The following SEC23IP variants were observed in gnomAD, a reference collection of about 807,000 sequenced individuals.
SEC23IP encodes the protein SEC23 interacting protein.
A neutral mutation model predicts 113.4 loss-of-function variants in SEC23IP; 70 were observed. The ratio of observed to expected loss-of-function variants is 0.62; its 90% CI spans 0.51 to 0.75. The LOEUF is 0.75. SEC23IP is among the 30% of genes least tolerant of loss of function. The probability of loss-of-function intolerance (pLI) is 0.00; values close to 1 mark genes in which losing one functional copy is unlikely to be tolerated. For synonymous variants in SEC23IP, 398 were observed against 421.0 expected, an observed-to-expected ratio of 0.95 and a Z score of 0.67; for missense variants, 1,160 against 1,204.9, an observed-to-expected ratio of 0.96 and a Z score of 0.55.
chr10:119,914,782 T>C lies in SEC23IP; in HGVS notation c.1365T>C (p.Pro455=), dbSNP rs775265385. The change falls in exon 7 of 19, where the codon CCT becomes CCC. Residue 455 remains proline (P), a synonymous_variant. Coordinates refer to ENST00000369075, the MANE Select transcript of SEC23IP (RefSeq NM_007190.4). The part of the protein sequence containing the change: ...HLVFVVHGIG[P]VCDLRFRSII... ...TGTTTGTGGTGCATGGCATTGGACC[T>C]GTGTGTGACTTACGCTTTAGGAGCA... 1.9e-6 allele frequency: 3 copies of C among 1,614,168 alleles called. No homozygotes were observed. In the South Asian group the frequency reaches 3.3e-5, roughly 18 times the overall value.
Position 119,942,422 on chromosome 10 carries a change from T to C in SEC23IP, c.*1857T>C, listed in dbSNP as rs1006692218. 8 of 151,986 alleles carry C rather than the reference T, an allele frequency of 5.3e-5. No homozygotes were observed. The highest frequency in any genetic ancestry group is 1.9e-4 in the African/African-American group (8 of 41,368). The allele number at this position is 151,986 out of a possible 1,614,324, so 9.4% of individuals were successfully genotyped here. On this transcript the variant is annotated 3_prime_UTR_variant, in exon 19 of 19. Transcript: ENST00000369075. The stretch of plus-strand genomic sequence containing the variant: ...CAAAAAACAGTAGATCCCCTGAGGG[T>C]AGAGTCTTTATGTATGAACATATTG...
At position 119,917,302 on chromosome 10, in the gene SEC23IP, C is replaced by T. The variant is rs577304780; in HGVS notation, c.1545-534C>T. On this transcript the variant is annotated intron_variant, in intron 8 of 18. Coordinates refer to ENST00000369075, the MANE Select transcript of SEC23IP (RefSeq NM_007190.4). ...GCAACCTCCACCTCCTGGGTTCAAG[C>T]GATTCTCATGCCTCAACCTCCCAAA... Among the ~76,000 whole-genome samples, 30 of 152,048 alleles carry T rather than the reference C, an allele frequency of 2.0e-4. No homozygotes were observed. The South Asian group carries it at 5.6e-3, about 28-fold the overall frequency.
At chr10:119,932,884 G>A in intron 16 of SEC23IP, 121 bp from the exon 17 acceptor site, 1 of 787,442 alleles carries the variant, frequency 1.3e-6, no homozygotes, top group Non-Finnish European at 2.0e-6. Flanking sequence ...GAGTGAGCCT[G>A]GTAGCTCCTC....
At chr10:119,895,069 G>A (rs942491258) in intron 1 of SEC23IP, among the ~76,000 whole-genome samples, 2 of 152,146 alleles carry the variant, frequency 1.3e-5, no homozygotes, top group Non-Finnish European at 2.9e-5. Flanking sequence ...GAGAGACACA[G>A]GAAGCAATTT....
At position 119,915,617 on chromosome 10, in the gene SEC23IP, ATCC is replaced by A. The variant is rs1159866523; in HGVS notation, c.1403-128_1403-126del. Reference sequence around the variant, plus strand: ...TTTAAAAAATTTTACTAATTCTCTTATCCTCATTTTTTTCTTTAAAAAATGTAT... The same window carrying A: ...TTTAAAAAATTTTACTAATTCTCTTATCATTTTTTTCTTTAAAAAATGTAT... On this transcript the variant is annotated intron_variant, in intron 7 of 18. Transcript: ENST00000369075. 23 of 674,832 alleles carry A rather than the reference ATCC, an allele frequency of 3.4e-5. No individual in the cohort carries two copies. The Middle Eastern group carries it at 2.6e-3, about 76-fold the overall frequency. 41.8% of individuals were successfully genotyped at this position (674,832 alleles called of 1,614,324 possible).
At chr10:119,938,159 G>A (rs1246325679) in intron 18 of SEC23IP, among the ~76,000 whole-genome samples, 3 of 151,230 alleles carry the variant, frequency 2.0e-5, no homozygotes, top group Non-Finnish European at 2.9e-5. Context: ...TAAGTCAGCT[G>A]TTGCCTTAAC....
Position 119,933,132 on chromosome 10 carries a change from A to T in SEC23IP, c.2886A>T (p.Glu962Asp). 1 of 1,614,046 alleles carries T rather than the reference A, an allele frequency of 6.2e-7. No homozygotes were observed. Among genetic ancestry groups the T allele is most frequent in the Non-Finnish European group, 8.5e-7 (1 of 1,179,954 alleles). Residue 962 changes from glutamate to aspartate, a missense_variant, in exon 17 of 19, where the codon GAA (glutamate) becomes GAT (aspartate). Transcript: ENST00000369075. ...AAAAACCAATAGAGAGTTTTAATGA[A>T]TACCTTTTCGCTCTTCAGAGTCACT... is the stretch of plus-strand genomic sequence containing the variant. ...LQEKPIESFN[E>D]YLFALQSHLC...
rs1300053825 is a variant in SEC23IP, at chr10:119,931,247, T to C, written c.2572+816T>C. ...GTGAGCCAAGATCGTGCTACTGCACTCCAGTCTCCGAGAGACTCCGTCTCA... is the reference window on the plus strand; with the variant it reads ...GTGAGCCAAGATCGTGCTACTGCACCCCAGTCTCCGAGAGACTCCGTCTCA... On this transcript the variant is annotated intron_variant, in intron 15 of 18. Coordinates refer to ENST00000369075, the MANE Select transcript of SEC23IP (RefSeq NM_007190.4). Among the ~76,000 whole-genome samples the C allele has an allele frequency of 2.2e-5, 3 of 134,950 alleles. No individual in the cohort carries two copies. The South Asian group carries it at 7.3e-4, about 33-fold the overall frequency. The allele number at this position is 134,950 out of a possible 152,430, so 88.5% of individuals were successfully genotyped here. A position where few individuals can be genotyped will look rare whatever the true frequency, so the allele number is the denominator to read the frequency against.
intron 17 of SEC23IP, 21 bp from the exon 18 acceptor site, chr10:119,933,665 A>G (rs1564926135): frequency 1.5e-6 from 2 of 1,327,654 alleles, no homozygotes; most frequent in Non-Finnish European, 1.1e-6. Flanking sequence ...TCTTAAGTAA[A>G]TATGCTTTTC....
intron 14 of SEC23IP, 108 bp downstream of exon 14, chr10:119,929,870 A>C: frequency 1.4e-6 from 1 of 694,886 alleles, no homozygotes; most frequent in South Asian, 2.1e-5. Flanking sequence ...ACTGGTCTCA[A>C]ACTCCTGGCC....
chr10:119,918,434 T>C lies in SEC23IP; in HGVS notation c.1795T>C (p.Leu599=), dbSNP rs1343667764. 17 of 1,613,136 alleles carry C rather than the reference T, an allele frequency of 1.1e-5. No homozygotes were observed. Among genetic ancestry groups the C allele is most frequent in the Admixed American group, 1.7e-5 (1 of 59,978 alleles). ...TGACATCCTGTCTAATCAAAAAGATTTGAATTTATCAAAGTGCCCTGGACC... is the reference window on the plus strand; with the variant it reads ...TGACATCCTGTCTAATCAAAAAGATCTGAATTTATCAAAGTGCCCTGGACC... ...LFDILSNQKD[L]NLSKCPGPLA... is the part of the protein sequence containing the mutation. The change falls in exon 10 of 19, where the codon TTG becomes CTG. Residue 599 remains leucine (L), a synonymous_variant. Coordinates refer to ENST00000369075, the MANE Select transcript of SEC23IP (RefSeq NM_007190.4).
Position 119,915,726 on chromosome 10 carries a change from C to T in SEC23IP, c.1403-22C>T, listed in dbSNP as rs988830152. On this transcript the variant is annotated intron_variant, in intron 7 of 18. Coordinates refer to ENST00000369075, the MANE Select transcript of SEC23IP (RefSeq NM_007190.4). ...GCTAGGAGAATTTAATTTATTTTCT[C>T]TTTTTTTTTTTTCTTTTGAAGTGGA... 4.0e-5 allele frequency: 46 copies of T among 1,156,340 alleles called. No homozygotes were observed. The African/African-American group carries it at 4.7e-4, about 12-fold the overall frequency. 71.6% of individuals were successfully genotyped at this position (1,156,340 alleles called of 1,614,324 possible). A position where few individuals can be genotyped will look rare whatever the true frequency, so the allele number is the denominator to read the frequency against.
At chr10:119,919,658 A>G in intron 11 of SEC23IP, 62 bp downstream of exon 11, 1 of 1,343,514 alleles carries the variant, frequency 7.4e-7, no homozygotes, top group South Asian at 1.6e-5. Context: ...ATTGAAAATT[A>G]AGAATAAACA....
At chr10:119,894,754 G>T (rs1446362397) in intron 1 of SEC23IP, among the ~76,000 whole-genome samples, 1 of 152,156 alleles carries the variant, frequency 6.6e-6, no homozygotes, top group East Asian at 1.9e-4. Flanking sequence ...CACCATTAAA[G>T]TTGTTTGGTT....
chr10:119,904,540 A>G (rs1854602025), intron 4 of SEC23IP: 1 of 359,036 alleles, frequency 2.8e-6, no homozygotes, highest in Non-Finnish European at 5.1e-6. Flanking sequence ...AATAGAACCT[A>G]GGCCGCTGGG....
Position 119,926,084 on chromosome 10 carries a change from G to C in SEC23IP, c.2170G>C (p.Gly724Arg). ...KKAVAATSTK[G>R]QEQSAQKTKD... is the part of the protein sequence containing the mutation. ...GGCAGTGGCGGCCACTTCTACAAAA[G>C]GACAAGAGCAAAGTGCCCAGAAGAC... is the stretch of plus-strand genomic sequence containing the variant. Residue 724 changes from glycine (G) to arginine (R), a missense_variant, in exon 13 of 19, where the codon GGA becomes CGA. By Grantham distance (125) the Gly-to-Arg change is moderately radical (BLOSUM62 -2). Transcript: ENST00000369075. 6.2e-7 allele frequency: 1 copy of C among 1,614,002 alleles called. No homozygotes were observed. The highest frequency in any genetic ancestry group is 8.5e-7 in the Non-Finnish European group (1 of 1,179,972).
At chr10:119,929,905 T>TC (rs1855539682) in intron 14 of SEC23IP, 143 bp downstream of exon 14, 2 of 582,234 alleles carry the variant, frequency 3.4e-6, no homozygotes, top group Non-Finnish European at 5.9e-6. Context: ...CATCACAGCC[T>TC]CCCAAATCGC....
intron 18 of SEC23IP, among the ~76,000 whole-genome samples, chr10:119,939,518 T>C (rs1451638379): frequency 6.7e-6 from 1 of 149,528 alleles, no homozygotes; most frequent in Non-Finnish European, 1.5e-5. Flanking sequence ...CTACTAAAAA[T>C]ACAAAAATTA....
intron 13 of SEC23IP, 77 bp from the exon 14 acceptor site, chr10:119,929,530 G>GAT (rs1855525594): frequency 7.6e-7 from 1 of 1,310,078 alleles, no homozygotes; most frequent in African/African-American, 1.5e-5. Context: ...CACCACGCCC[G>GAT]GCCTGAAAAT....
Sources: gnomAD v4.1 joint callset for allele counts (sites outside exome capture counted in the v4.1 genomes callset) on GRCh38, gnomAD v4.1.1 for gene constraint, MANE v1.5 for transcripts, NCBI Gene and HGNC (gene_info 2026-07-23, HGNC 2026-07-21) for gene names.